Variants in UGT1A7 observed in about 807,000 individuals in gnomAD.
UGT1A7 encodes UDP-glucuronosyltransferase 1A7.
In UGT1A7, 33 loss-of-function variants were observed where a neutral mutation model predicts 45.6. The observed-to-expected ratio is 0.72, with a 90% confidence interval of 0.55 to 0.97. The LOEUF (loss-of-function observed/expected upper bound fraction) is 0.97, where lower values mean the gene tolerates loss of function less well. Ranked by LOEUF, UGT1A7 falls within the 50% of genes least tolerant of loss-of-function variation. The pLI is 0.00. For missense variants in UGT1A7, 684 were observed against 666.2 expected (o/e 1.03, Z -0.29); for synonymous variants, 274 against 250.6 (o/e 1.09, Z -0.88).
chr2:233,772,274 C>T lies in UGT1A7; in HGVS notation c.1308C>T (p.Asn436=), dbSNP rs754238953. Residue 436 remains asparagine, a synonymous_variant, in exon 5 of 5, where the codon AAC becomes AAT. Coordinates refer to ENST00000373426, the MANE Select transcript of UGT1A7 (RefSeq NM_019077.3). ...TCTTTGTGTTTAGTTACAAGGAGAA[C>T]ATCATGCGCCTCTCCAGCCTTCACA... The part of the protein sequence containing the change: ...AVINDKSYKE[N]IMRLSSLHKD... 1.5e-5 allele frequency: 25 copies of T among 1,614,248 alleles called. No individual in the cohort carries two copies. The South Asian group carries it at 1.8e-4, about 11-fold the overall frequency.
intron 1 of UGT1A7, among the ~76,000 whole-genome samples, chr2:233,736,432 A>G (rs1471757710): frequency 6.6e-6 from 1 of 152,142 alleles, no homozygotes; most frequent in East Asian, 1.9e-4. Flanking sequence ...TCAAGGTTCA[A>G]CCTTCCTTGC....
intron 1 of UGT1A7, among the ~76,000 whole-genome samples, chr2:233,704,952 A>G (rs1012148200): frequency 3.3e-5 from 5 of 152,108 alleles, no homozygotes; most frequent in African/African-American, 4.8e-5. Context: ...CCTGGCCAAC[A>G]TGGTGAAACC....
At chr2:233,743,730 C>T (rs189214805) in intron 1 of UGT1A7, 23 of 1,367,266 alleles carry the variant, frequency 1.7e-5, no homozygotes, top group South Asian at 3.4e-5. Context: ...TCATAGATAT[C>T]GCGTTTCTTG....
chr2:233,711,473 A>G (rs1385646486), intron 1 of UGT1A7, among the ~76,000 whole-genome samples: 1 of 152,182 alleles, frequency 6.6e-6, no homozygotes, highest in Non-Finnish European at 1.5e-5. Flanking sequence ...TCAGAGGCTG[A>G]GATGTTGCAC....
At chr2:233,764,170 A>C (rs1698494492) in intron 1 of UGT1A7, among the ~76,000 whole-genome samples, 1 of 152,226 alleles carries the variant, frequency 6.6e-6, no homozygotes, top group Non-Finnish European at 1.5e-5. Flanking sequence ...TCATCAGAAC[A>C]GGGAAATTCT....
intron 1 of UGT1A7, among the ~76,000 whole-genome samples, chr2:233,700,703 TG>T (rs1389995736): frequency 6.6e-6 from 1 of 152,072 alleles, no homozygotes; most frequent in Non-Finnish European, 1.5e-5. Context: ...ACACTTTGAA[TG>T]TTTTTTTCTT....
intron 1 of UGT1A7, among the ~76,000 whole-genome samples, chr2:233,726,473 A>T (rs2077534267): frequency 6.6e-6 from 1 of 152,158 alleles, no homozygotes; most frequent in Non-Finnish European, 1.5e-5. Flanking sequence ...TCTTTAACAG[A>T]AATTTCCTTT....
chr2:233,685,757 G>T (rs529192203), intron 1 of UGT1A7, among the ~76,000 whole-genome samples: 1 of 152,176 alleles, frequency 6.6e-6, no homozygotes, highest in African/African-American at 2.4e-5. Context: ...CCATTTTAAA[G>T]AAAAATTTTG....
chr2:233,747,555 G>A, intron 1 of UGT1A7: 1 of 1,599,236 alleles, frequency 6.3e-7, no homozygotes, highest in Non-Finnish European at 8.6e-7. Flanking sequence ...TAAAAGTATG[G>A]CAATTTTGAA....
At chr2:233,760,338 G>C (rs753493472) in intron 1 of UGT1A7, 4 of 1,614,036 alleles carry the variant, frequency 2.5e-6, no homozygotes, top group Admixed American at 1.7e-5. Context: ...GCCTGCTGCT[G>C]TGTGTGCTGG....
At chr2:233,738,521 G>C (rs1382621592) in intron 1 of UGT1A7, among the ~76,000 whole-genome samples, 2 of 152,174 alleles carry the variant, frequency 1.3e-5, no homozygotes, top group African/African-American at 2.4e-5. Context: ...TAATGTTGTG[G>C]ACAATGAAGT....
intron 1 of UGT1A7, among the ~76,000 whole-genome samples, chr2:233,714,879 A>C (rs1355340446): frequency 7.1e-6 from 1 of 141,030 alleles, no homozygotes; most frequent in African/African-American, 2.6e-5. Flanking sequence ...CTATCTTTTA[A>C]ATTTTTCTAT....
chr2:233,686,223 C>A (rs2074778495), intron 1 of UGT1A7, among the ~76,000 whole-genome samples: 1 of 151,180 alleles, frequency 6.6e-6, no homozygotes, highest in Admixed American at 6.6e-5. Flanking sequence ...ATATTTGTGA[C>A]CTTGGATTTG....
intron 1 of UGT1A7, among the ~76,000 whole-genome samples, chr2:233,714,561 T>C (rs938203514): frequency 6.6e-6 from 1 of 152,256 alleles, no homozygotes; most frequent in African/African-American, 2.4e-5. Flanking sequence ...AGAAATATCA[T>C]GTAAACCACA....
chr2:233,755,027 C>A (rs759197919), intron 1 of UGT1A7: 14 of 1,309,218 alleles, frequency 1.1e-5, no homozygotes, highest in Non-Finnish European at 1.4e-5. Flanking sequence ...CCTTGAAGGG[C>A]CTGCCGCCTG....
chr2:233,723,522 T>TC (rs2077093722), intron 1 of UGT1A7, among the ~76,000 whole-genome samples: 1 of 114,298 alleles, frequency 8.7e-6, no homozygotes. Flanking sequence ...CAATCTTTTT[T>TC]TTTTTTTTTT....
intron 1 of UGT1A7, among the ~76,000 whole-genome samples, chr2:233,727,631 C>T (rs2077634197): frequency 1.3e-5 from 2 of 152,112 alleles, no homozygotes; most frequent in East Asian, 1.9e-4. Context: ...AGGTTGCACC[C>T]ACAGCTGAGA....
intron 1 of UGT1A7, chr2:233,744,035 C>T (rs367793428): frequency 5.3e-5 from 42 of 799,694 alleles, no homozygotes; most frequent in Admixed American, 1.0e-4. Flanking sequence ...CCCCTTATGA[C>T]GCAGCCACAT....
chr2:233,736,601 G>A (rs528906604), intron 1 of UGT1A7, among the ~76,000 whole-genome samples: 6 of 152,098 alleles, frequency 3.9e-5, no homozygotes, highest in Non-Finnish European at 8.8e-5. Flanking sequence ...TATGCGCTAT[G>A]GTTTTTAGAA....
Sources: allele counts gnomAD v4.1 joint callset (sites outside exome capture counted in the v4.1 genomes callset), GRCh38; gene constraint gnomAD v4.1.1; transcripts MANE v1.5; gene names NCBI Gene and HGNC (gene_info 2026-07-23, HGNC 2026-07-21).